The following ZC3H12C variants were observed in gnomAD, a reference collection of about 807,000 sequenced individuals.
The protein encoded by ZC3H12C is probable ribonuclease ZC3H12C.
Under a neutral mutation model 76.3 loss-of-function variants are expected in ZC3H12C, and 20 were observed. The ratio of observed to expected loss-of-function variants is 0.26; its 90% CI spans 0.18 to 0.38. ZC3H12C has a LOEUF of 0.38. Ranked by LOEUF, ZC3H12C falls within the 10% of genes least tolerant of loss-of-function variation. The probability of loss-of-function intolerance (pLI) is 1.00; values close to 1 mark genes in which losing one functional copy is unlikely to be tolerated. For synonymous variants in ZC3H12C, 352 were observed against 399.6 expected, an observed-to-expected ratio of 0.88 and a Z score of 1.42; for missense variants, 874 against 1,086.5, an observed-to-expected ratio of 0.80 and a Z score of 2.75.
chr11:110,143,362 A>AT lies in ZC3H12C; in HGVS notation c.773+5956dup, dbSNP rs888328270. ...TATCAGTGAAGAAGGTCTTAAAGTC[A>AT]TTTTTTTTAGAGTCCTTTAAAATTA... is the stretch of plus-strand genomic sequence containing the variant. On this transcript the variant is annotated intron_variant, in intron 2 of 5. Transcript: ENST00000278590. Among the ~76,000 whole-genome samples the AT allele has an allele frequency of 9.2e-5, 14 of 151,872 alleles. No homozygotes were observed. In the South Asian group the frequency reaches 1.0e-3, roughly 11 times the overall value.
rs1309798397 is a variant in ZC3H12C at position 110,170,639 on chromosome 11, G to C, written c.*4902G>C. The C allele has an allele frequency of 6.6e-6, 1 of 152,170 alleles. No homozygotes were observed. The highest frequency in any genetic ancestry group is 1.5e-5 in the Non-Finnish European group (1 of 68,016). The allele number at this position is 152,170 out of a possible 1,614,324, so 9.4% of individuals were successfully genotyped here. ...TAGATGCCTTGGGACTGTCCTTGGT[G>C]AATGATATTCTTCATATGATCATAT... On this transcript the variant is annotated 3_prime_UTR_variant, in exon 6 of 6. Coordinates refer to ENST00000278590, the MANE Select transcript of ZC3H12C (RefSeq NM_033390.2).
At chr11:110,155,629 T>G (rs577683313) in intron 3 of ZC3H12C, among the ~76,000 whole-genome samples, 1 of 152,320 alleles carries the variant, frequency 6.6e-6, no homozygotes, top group East Asian at 1.9e-4. Flanking sequence ...GCAGAATTTT[T>G]AATGATCTGC....
In ZC3H12C at chr11:110,117,923, TACAC is replaced by T. The variant is rs199717962; in HGVS notation, c.22-18732_22-18729del. Among the ~76,000 whole-genome samples the T allele has an allele frequency of 9.2e-5, 5 of 54,094 alleles. 2 individuals are homozygous for T. Among genetic ancestry groups the T allele is most frequent in the African/African-American group, 1.6e-4 (3 of 18,880 alleles). 35.5% of individuals were successfully genotyped at this position (54,094 alleles called of 152,430 possible). A position where few individuals can be genotyped will look rare whatever the true frequency, so the allele number is the denominator to read the frequency against. On this transcript the variant is annotated intron_variant, in intron 1 of 5. Coordinates refer to ENST00000278590, the MANE Select transcript of ZC3H12C (RefSeq NM_033390.2). The stretch of plus-strand genomic sequence containing the variant: ...CACACACACATATATATTATATATA[TACAC>T]ACACACATATATATATTATATATAC...
chr11:110,144,492 A>G (rs566029367), intron 2 of ZC3H12C, among the ~76,000 whole-genome samples: 1 of 152,286 alleles, frequency 6.6e-6, no homozygotes, highest in African/African-American at 2.4e-5. Flanking sequence ...TCCAGAGGCT[A>G]TGTTATTTTC....
rs145695339 is a variant in ZC3H12C at position 110,152,782 on chromosome 11, G to A, written c.774-137G>A. On this transcript the variant is annotated intron_variant, in intron 2 of 5. Transcript: ENST00000278590. ...AACTTAGTTATCTCGATGTGTCTCT[G>A]ATCTATAAACTCCATTTTAACTCTG... The A allele has an allele frequency of 4.4e-5, 42 of 950,168 alleles. 1 individual carries two copies. The African/African-American group carries it at 6.5e-4, about 15-fold the overall frequency. The allele number at this position is 950,168 out of a possible 1,614,324, so 58.9% of individuals were successfully genotyped here.
chr11:110,127,489 T>G (rs1861771093), intron 1 of ZC3H12C, among the ~76,000 whole-genome samples: 1 of 152,196 alleles, frequency 6.6e-6, no homozygotes, highest in Non-Finnish European at 1.5e-5. Context: ...GCTTCTTTTT[T>G]TAACACTCAA....
At chr11:110,149,773 G>A (rs1862237213) in intron 2 of ZC3H12C, among the ~76,000 whole-genome samples, 1 of 152,074 alleles carries the variant, frequency 6.6e-6, no homozygotes, top group East Asian at 1.9e-4. Context: ...TATGTTCTGA[G>A]TACTAACCTT....
intron 1 of ZC3H12C, among the ~76,000 whole-genome samples, chr11:110,130,253 G>A (rs1056955761): frequency 1.3e-5 from 2 of 152,126 alleles, no homozygotes; most frequent in Admixed American, 6.6e-5. Context: ...TACAGTTTAG[G>A]TAACTCATTT....
At chr11:110,107,144 C>T (rs986946779) in intron 1 of ZC3H12C, among the ~76,000 whole-genome samples, 4 of 152,200 alleles carry the variant, frequency 2.6e-5, no homozygotes, top group African/African-American at 7.2e-5. Context: ...TTTTGTGAAA[C>T]ATCTTCAACA....
chr11:110,115,875 C>T (rs1050315451), intron 1 of ZC3H12C, among the ~76,000 whole-genome samples: 1 of 151,726 alleles, frequency 6.6e-6, no homozygotes. Context: ...ATTCTCCTGC[C>T]TCAGCCTCAC....
intron 1 of ZC3H12C, chr11:110,131,482 T>G: frequency 4.7e-6 from 1 of 213,626 alleles, no homozygotes; most frequent in Non-Finnish European, 9.3e-6. Flanking sequence ...CGTACCCAGG[T>G]GCTATAAAAT....
intron 1 of ZC3H12C, among the ~76,000 whole-genome samples, chr11:110,135,414 T>C (rs555283542): frequency 7.3e-6 from 1 of 137,216 alleles, no homozygotes; most frequent in East Asian, 2.2e-4. Context: ...CACTTGAATA[T>C]GGGAGGCAGA....
rs1015064405 is a variant in ZC3H12C, at chr11:110,171,116, C to T, written c.*5379C>T. 3.9e-5 allele frequency: 6 copies of T among 152,178 alleles called. No individual in the cohort carries two copies. The highest frequency in any genetic ancestry group is 7.4e-5 in the Non-Finnish European group (5 of 68,026). The allele number at this position is 152,178 out of a possible 1,614,324, so 9.4% of individuals were successfully genotyped here. ...CAAGTGTTTCAGATGAATAACAAAA[C>T]GCTGTTCATTGAAGCTTTCGCCACC... is the stretch of plus-strand genomic sequence containing the variant. On this transcript the variant is annotated 3_prime_UTR_variant, in exon 6 of 6. Coordinates refer to ENST00000278590, the MANE Select transcript of ZC3H12C (RefSeq NM_033390.2).
chr11:110,130,736 G>C lies in ZC3H12C; in HGVS notation c.22-5927G>C, dbSNP rs111243040. The stretch of plus-strand genomic sequence containing the variant: ...TGGCAGCCTGCTCTCTAATGACTCC[G>C]CTCTCATAGAGCAGCTGCCTACTAG... On this transcript the variant is annotated intron_variant, in intron 1 of 5. Transcript: ENST00000278590. Among the ~76,000 whole-genome samples, 210 of 152,288 alleles carry C rather than the reference G, an allele frequency of 1.4e-3. 4 individuals are homozygous for C. Among genetic ancestry groups the C allele is most frequent in the African/African-American group, 5.0e-3 (206 of 41,564 alleles).
chr11:110,119,738 T>C (rs1014911992), intron 1 of ZC3H12C, among the ~76,000 whole-genome samples: 2 of 152,198 alleles, frequency 1.3e-5, no homozygotes, highest in Non-Finnish European at 2.9e-5. Context: ...TCTGGTGAAG[T>C]CCTCTTCCTC....
chr11:110,151,826 G>A (rs909816187), intron 2 of ZC3H12C, among the ~76,000 whole-genome samples: 2 of 152,002 alleles, frequency 1.3e-5, no homozygotes, highest in Admixed American at 1.3e-4. Flanking sequence ...GTTTGTATTT[G>A]GAGCCTTCGA....
intron 2 of ZC3H12C, among the ~76,000 whole-genome samples, chr11:110,141,821 A>G (rs1862072102): frequency 6.6e-6 from 1 of 152,198 alleles, no homozygotes; most frequent in Non-Finnish European, 1.5e-5. Context: ...TTGATTGTGG[A>G]TTTAAAGAAT....
chr11:110,151,754 T>G (rs1862274817), intron 2 of ZC3H12C, among the ~76,000 whole-genome samples: 1 of 152,174 alleles, frequency 6.6e-6, no homozygotes. Context: ...GTGCATCTGA[T>G]TTCCCATCTA....
intron 2 of ZC3H12C, among the ~76,000 whole-genome samples, chr11:110,142,613 C>T (rs1862086710): frequency 6.6e-6 from 1 of 152,156 alleles, no homozygotes; most frequent in African/African-American, 2.4e-5. Context: ...CTACCCCTCT[C>T]AACTGTACTG....
Sources: allele counts gnomAD v4.1 joint callset (sites outside exome capture counted in the v4.1 genomes callset), GRCh38; gene constraint gnomAD v4.1.1; transcripts MANE v1.5; gene names NCBI Gene and HGNC (gene_info 2026-07-23, HGNC 2026-07-21).